VPS8: variants seen among roughly 807,000 people sequenced by gnomAD.
VPS8 encodes the protein VPS8 subunit of CORVET complex.
VPS8 carries 129 observed loss-of-function variants against 216.4 expected under a neutral mutation model. The observed-to-expected ratio is 0.60, with a 90% CI of 0.52 to 0.69. VPS8 has a LOEUF of 0.69. VPS8 is among the 30% of genes least tolerant of loss of function. VPS8 has a pLI of 0.00. For synonymous variants in VPS8, 571 were observed against 565.4 expected (o/e 1.01, Z -0.14); for missense variants, 1,531 against 1,683.5 (o/e 0.91, Z 1.59).
chr3:184,982,884 T>C, intron 41 of VPS8, 128 bp from the exon 42 acceptor site: 5 of 836,784 alleles, frequency 6.0e-6, no homozygotes, highest in South Asian at 4.9e-5. Flanking sequence ...TTTTAAAATA[T>C]CAAAGAGGCC....
chr3:184,903,575 C>T (rs1044209008), intron 25 of VPS8, among the ~76,000 whole-genome samples: 2 of 152,086 alleles, frequency 1.3e-5, no homozygotes, highest in African/African-American at 4.8e-5. Flanking sequence ...CCTCAGCCTC[C>T]CAAGTAGCTG....
chr3:185,009,831 T>A (rs1754754875), intron 45 of VPS8, among the ~76,000 whole-genome samples: 1 of 151,392 alleles, frequency 6.6e-6, no homozygotes, highest in Non-Finnish European at 1.5e-5. Context: ...GGGCTCAGAG[T>A]CCAGGAAAGA....
intron 40 of VPS8, among the ~76,000 whole-genome samples, chr3:184,972,007 C>T (rs533695026): frequency 1.3e-4 from 19 of 151,162 alleles, no homozygotes; most frequent in African/African-American, 4.6e-4. Context: ...ACCCAGGAGG[C>T]GGAGGTTGCG....
At chr3:184,975,654 T>C (rs532403393) in intron 40 of VPS8, among the ~76,000 whole-genome samples, 6 of 152,298 alleles carry the variant, frequency 3.9e-5, no homozygotes, top group Non-Finnish European at 8.8e-5. Context: ...GCTTTCAGCT[T>C]TTTCCCTTTT....
At position 184,915,373 on chromosome 3, in the gene VPS8, C is replaced by T. The variant is rs1469215612; in HGVS notation, c.2281C>T (p.Arg761Cys). ...CTTGCAGGTTTTTGAATTTCTAATT[C>T]GCCTGCATTCAGCAGAGGCTTCTCC... is the stretch of plus-strand genomic sequence containing the variant. ...VKNQVFEFLIRLHSAEASPEE... is the reference protein window; with the variant it reads ...VKNQVFEFLICLHSAEASPEE... The change falls in exon 28 of 48, where the codon CGC (arginine) becomes TGC (cysteine). Residue 761 changes from arginine (R) to cysteine (C), a missense_variant. Arg to Cys is a radical substitution (Grantham distance 180). Coordinates refer to ENST00000625842, the MANE Select transcript of VPS8 (RefSeq NM_001009921.3). 13 of 1,612,812 alleles carry T rather than the reference C, an allele frequency of 8.1e-6. No individual in the cohort carries two copies. The highest frequency in any genetic ancestry group is 2.7e-5 in the African/African-American group (2 of 74,946).
At chr3:184,912,995 G>A (rs1415865113) in intron 25 of VPS8, among the ~76,000 whole-genome samples, 3 of 152,094 alleles carry the variant, frequency 2.0e-5, no homozygotes, top group Non-Finnish European at 4.4e-5. Context: ...CAGAGAACAG[G>A]CTCGTATCAC....
chr3:184,848,881 A>T (rs1354935484), intron 8 of VPS8, 190 bp from the exon 9 acceptor site: 3 of 522,414 alleles, frequency 5.7e-6, no homozygotes, highest in Non-Finnish European at 9.6e-6. Flanking sequence ...TTTTTTCTGT[A>T]TTTTTAAGTG....
chr3:184,990,064 CTG>C (rs1751679661), intron 42 of VPS8, among the ~76,000 whole-genome samples: 1 of 151,950 alleles, frequency 6.6e-6, no homozygotes, highest in African/African-American at 2.4e-5. Context: ...CAGAGCAAGA[CTG>C]TCTACAAAAA....
chr3:185,035,755 C>T (rs2108479422), intron 46 of VPS8, among the ~76,000 whole-genome samples: 1 of 152,226 alleles, frequency 6.6e-6, no homozygotes, highest in Non-Finnish European at 1.5e-5. Flanking sequence ...GAAGTCCTAG[C>T]CAGAGCAGTC....
At chr3:184,906,345 G>C (rs138567256) in intron 25 of VPS8, among the ~76,000 whole-genome samples, 5 of 152,154 alleles carry the variant, frequency 3.3e-5, no homozygotes, top group Non-Finnish European at 5.9e-5. Flanking sequence ...CTCATGTAAG[G>C]TCTGTTCTCT....
intron 8 of VPS8, 56 bp from the exon 9 acceptor site, chr3:184,849,014 CG>C: frequency 6.3e-7 from 1 of 1,592,290 alleles, no homozygotes. Flanking sequence ...TGCCTGTACT[CG>C]ATGTATTTAC....
intron 36 of VPS8, among the ~76,000 whole-genome samples, chr3:184,942,383 A>G (rs1466263117): frequency 2.0e-5 from 3 of 152,114 alleles, no homozygotes; most frequent in Non-Finnish European, 4.4e-5. Flanking sequence ...CTCACACATT[A>G]TTCCTTTCCT....
intron 25 of VPS8, among the ~76,000 whole-genome samples, chr3:184,907,124 C>A (rs900211478): frequency 6.6e-6 from 1 of 152,128 alleles, no homozygotes; most frequent in Admixed American, 6.5e-5. Flanking sequence ...TCGATCAATA[C>A]GTTTAAGATG....
At chr3:184,832,886 G>T in intron 4 of VPS8, 67 bp downstream of exon 4, 4 of 1,536,576 alleles carry the variant, frequency 2.6e-6, no homozygotes, top group Non-Finnish European at 3.5e-6. Context: ...TGTAAATATT[G>T]TACTTTTTAA....
intron 36 of VPS8, among the ~76,000 whole-genome samples, chr3:184,940,564 C>T (rs1742500615): frequency 6.6e-6 from 1 of 152,182 alleles, no homozygotes; most frequent in Admixed American, 6.5e-5. Flanking sequence ...TTGTTTCACT[C>T]TTGCCTACTC....
At chr3:184,875,121 T>C (rs1294541769) in intron 21 of VPS8, among the ~76,000 whole-genome samples, 2 of 147,268 alleles carry the variant, frequency 1.4e-5, no homozygotes, top group African/African-American at 5.0e-5. Flanking sequence ...CTCAAGAAGC[T>C]ATTATTGGAG....
intron 39 of VPS8, among the ~76,000 whole-genome samples, chr3:184,967,462 AT>A (rs1460989352): frequency 2.0e-5 from 3 of 152,198 alleles, no homozygotes; most frequent in Middle Eastern, 3.2e-3. Context: ...AAAGTTGACA[AT>A]TTAGTATCTT....
chr3:184,817,455 T>A (rs1716581341), intron 1 of VPS8: 1 of 152,030 alleles, frequency 6.6e-6, no homozygotes, highest in African/African-American at 2.4e-5. Context: ...GTAAGTGTAG[T>A]AAAAGAGGAG....
At chr3:184,861,187 C>T (rs572636657) in intron 15 of VPS8, among the ~76,000 whole-genome samples, 30 of 152,208 alleles carry the variant, frequency 2.0e-4, no homozygotes, top group African/African-American at 6.3e-4. Context: ...TCAAATGGTT[C>T]GTTAATTTTG....
Sources: allele counts gnomAD v4.1 joint callset (sites outside exome capture counted in the v4.1 genomes callset), GRCh38; gene constraint gnomAD v4.1.1; transcripts MANE v1.5; gene names NCBI Gene and HGNC (gene_info 2026-07-23, HGNC 2026-07-21).